Variants in KCNH1 observed in about 807,000 individuals in gnomAD.
KCNH1 encodes the protein voltage-gated delayed rectifier potassium channel KCNH1.
KCNH1 carries 27 observed loss-of-function variants against 69.2 expected under a neutral mutation model. The observed-to-expected ratio is 0.39, with a 90% CI of 0.29 to 0.54. The LOEUF (loss-of-function observed/expected upper bound fraction) is 0.54. Among genes scored for constraint, KCNH1 ranks in the 20% least tolerant of loss-of-function variants. KCNH1 has a pLI of 0.68. For missense variants in KCNH1, 798 were observed against 1,261.6 expected, an observed-to-expected ratio of 0.63 and a Z score of 5.57; for synonymous variants, 456 against 487.7, an observed-to-expected ratio of 0.93 and a Z score of 0.86.
Position 210,679,375 on chromosome 1 carries a change from C to T in KCNH1, c.*3906G>A, listed in dbSNP as rs1681211581. The T allele has an allele frequency of 6.6e-6, 1 of 152,128 alleles. No homozygotes were observed. Among genetic ancestry groups the T allele is most frequent in the Non-Finnish European group, 1.5e-5 (1 of 68,036 alleles). 9.4% of individuals were successfully genotyped at this position (152,128 alleles called of 1,614,324 possible). Reference sequence around the variant, plus strand: ...GGAGTTCCATTCAAGGGTCTTAAGGCTAAACGTCTTTATTGCAAGACATAG... The same window carrying T: ...GGAGTTCCATTCAAGGGTCTTAAGGTTAAACGTCTTTATTGCAAGACATAG... On this transcript the variant is annotated 3_prime_UTR_variant, in exon 11 of 11. Coordinates refer to ENST00000271751, the MANE Select transcript of KCNH1 (RefSeq NM_172362.3).
chr1:210,685,127 CTTACA>C (rs1048886486), intron 10 of KCNH1, among the ~76,000 whole-genome samples: 2 of 152,194 alleles, frequency 1.3e-5, no homozygotes, highest in African/African-American at 4.8e-5. Context: ...TAAGCCACAG[CTTACA>C]GGGCCTTCCC....
chr1:210,902,005 G>A (rs1270155543), intron 7 of KCNH1, among the ~76,000 whole-genome samples: 1 of 152,116 alleles, frequency 6.6e-6, no homozygotes, highest in African/African-American at 2.4e-5. Context: ...GCTAAAAGCT[G>A]GCCTCACTAA....
intron 7 of KCNH1, among the ~76,000 whole-genome samples, chr1:210,866,028 T>C (rs1574305389): frequency 6.6e-6 from 1 of 152,176 alleles, no homozygotes; most frequent in Admixed American, 6.6e-5. Flanking sequence ...ATAAAAACTT[T>C]TTCAACAAAT....
chr1:210,742,864 C>T lies in KCNH1; in HGVS notation c.2112+32484G>A, dbSNP rs115917861. Among the ~76,000 whole-genome samples the T allele has an allele frequency of 4.8e-3, 733 of 152,064 alleles. 3 individuals carry two copies. Among genetic ancestry groups the T allele is most frequent in the African/African-American group, 0.016 (651 of 41,476 alleles). On this transcript the variant is annotated intron_variant, in intron 10 of 10. Transcript: ENST00000271751. Reference sequence around the variant, plus strand: ...GTGTCTGTGTGTGTGTGTGCGCGCGCGCGTGCACGTGCATGTGTGTGTGTT... The same window carrying T: ...GTGTCTGTGTGTGTGTGTGCGCGCGTGCGTGCACGTGCATGTGTGTGTGTT...
At chr1:210,819,160 A>T (rs1684876707) in intron 7 of KCNH1, among the ~76,000 whole-genome samples, 1 of 152,190 alleles carries the variant, frequency 6.6e-6, no homozygotes, top group African/African-American at 2.4e-5. Context: ...AAAAAATAGG[A>T]GGAAGAGTTA....
intron 6 of KCNH1, among the ~76,000 whole-genome samples, chr1:210,987,099 G>A (rs926083300): frequency 3.8e-4 from 58 of 152,148 alleles, no homozygotes; most frequent in African/African-American, 1.2e-3. Context: ...TTGTGCATTC[G>A]TCACATAGTT....
At chr1:211,083,771 AT>A (rs985961879) in intron 4 of KCNH1, among the ~76,000 whole-genome samples, 1 of 152,192 alleles carries the variant, frequency 6.6e-6, no homozygotes, top group Non-Finnish European at 1.5e-5. Flanking sequence ...AGATGATTTT[AT>A]TTTTTTATAT....
chr1:210,755,784 C>T (rs1683386108), intron 10 of KCNH1, among the ~76,000 whole-genome samples: 1 of 152,224 alleles, frequency 6.6e-6, no homozygotes, highest in African/African-American at 2.4e-5. Flanking sequence ...CAGATCCCCA[C>T]TTTCCTAGGG....
chr1:210,776,399 C>G (rs561201638), intron 9 of KCNH1, among the ~76,000 whole-genome samples: 14 of 152,270 alleles, frequency 9.2e-5, no homozygotes, highest in Non-Finnish European at 2.1e-4. Context: ...ATGCTATGGA[C>G]TGAATGTTTG....
intron 7 of KCNH1, among the ~76,000 whole-genome samples, chr1:210,908,763 G>C (rs1687166830): frequency 6.6e-6 from 1 of 152,076 alleles, no homozygotes; most frequent in Non-Finnish European, 1.5e-5. Context: ...GCCCACCCCT[G>C]CTCTGGCTCA....
At chr1:210,872,789 C>A (rs941758243) in intron 7 of KCNH1, among the ~76,000 whole-genome samples, 1 of 152,152 alleles carries the variant, frequency 6.6e-6, no homozygotes, top group African/African-American at 2.4e-5. Context: ...CCCCATGATC[C>A]AATCACCTCC....
chr1:210,937,101 A>G lies in KCNH1; in HGVS notation c.1033-17032T>C, dbSNP rs543641866. 3.3e-5 allele frequency among the ~76,000 whole-genome samples: 5 copies of G among 152,092 alleles called. No individual in the cohort carries two copies. The East Asian group carries it at 9.7e-4, about 29-fold the overall frequency. ...CCTCCTGCCACATTTGCCCTGCCAAACTTCCTAATATTCCTTCCTAAAACT... is the reference window on the plus strand; with the variant it reads ...CCTCCTGCCACATTTGCCCTGCCAAGCTTCCTAATATTCCTTCCTAAAACT... On this transcript the variant is annotated intron_variant, in intron 6 of 10. Coordinates refer to ENST00000271751, the MANE Select transcript of KCNH1 (RefSeq NM_172362.3).
intron 4 of KCNH1, among the ~76,000 whole-genome samples, chr1:211,089,113 C>T (rs1351194870): frequency 1.3e-5 from 2 of 152,130 alleles, no homozygotes; most frequent in Non-Finnish European, 2.9e-5. Context: ...AACCAAATCA[C>T]ATAACTTAAG....
intron 7 of KCNH1, among the ~76,000 whole-genome samples, chr1:210,917,567 G>A (rs2102558637): frequency 6.6e-6 from 1 of 152,244 alleles, no homozygotes; most frequent in South Asian, 2.1e-4. Context: ...TAGGTAAGAA[G>A]TTGCAGGGAA....
intron 4 of KCNH1, among the ~76,000 whole-genome samples, chr1:211,089,279 A>G (rs1305932160): frequency 6.6e-6 from 1 of 152,198 alleles, no homozygotes; most frequent in African/African-American, 2.4e-5. Context: ...TGAAATAGCT[A>G]CTGCACTGAG....
chr1:210,795,715 G>A (rs1684297794), intron 9 of KCNH1, among the ~76,000 whole-genome samples: 1 of 151,976 alleles, frequency 6.6e-6, no homozygotes. Context: ...TAACTTCAGA[G>A]TAACTTAATC....
At chr1:210,700,696 C>T (rs1221688612) in intron 10 of KCNH1, among the ~76,000 whole-genome samples, 1 of 152,148 alleles carries the variant, frequency 6.6e-6, no homozygotes, top group East Asian at 1.9e-4. Context: ...CTCAATTCTG[C>T]CACGATAGCA....
intron 6 of KCNH1, among the ~76,000 whole-genome samples, chr1:210,954,304 T>C (rs532343908): frequency 2.0e-5 from 3 of 152,292 alleles, no homozygotes; most frequent in Non-Finnish European, 1.5e-5. Context: ...CAGTCTATCA[T>C]TGATGGACAT....
Position 210,884,727 on chromosome 1 carries a change from C to T in KCNH1, c.1462+34913G>A, listed in dbSNP as rs146532892. Among the ~76,000 whole-genome samples the T allele has an allele frequency of 3.5e-3, 532 of 152,294 alleles. 5 individuals carry two copies. Among genetic ancestry groups the T allele is most frequent in the African/African-American group, 0.011 (469 of 41,568 alleles). ...GAGGCAGTCACTCCCCTACCAAAGC[C>T]GTGCTGGAAGAGCTGCTAGATATCT... On this transcript the variant is annotated intron_variant, in intron 7 of 10. Coordinates refer to ENST00000271751, the MANE Select transcript of KCNH1 (RefSeq NM_172362.3).
Sources: allele counts gnomAD v4.1 joint callset (sites outside exome capture counted in the v4.1 genomes callset), GRCh38; gene constraint gnomAD v4.1.1; transcripts MANE v1.5; gene names NCBI Gene and HGNC (gene_info 2026-07-23, HGNC 2026-07-21).